Variants in PDZD8 observed in about 807,000 individuals in gnomAD.
PDZD8 encodes the protein PDZ domain-containing protein 8.
Under a neutral mutation model 85.8 loss-of-function variants are expected in PDZD8, and 14 were observed. The observed-to-expected ratio is 0.16, with a 90% CI of 0.11 to 0.26. The LOEUF (loss-of-function observed/expected upper bound fraction) is 0.26. Among genes scored for constraint, PDZD8 ranks in the 10% least tolerant of loss-of-function variants. The pLI, the probability that PDZD8 is intolerant of heterozygous loss-of-function variation, is 1.00. For synonymous variants in PDZD8, 592 were observed against 568.6 expected, an observed-to-expected ratio of 1.04 and a Z score of -0.59; for missense variants, 1,197 against 1,424.3, an observed-to-expected ratio of 0.84 and a Z score of 2.57.
At chr10:117,326,184 G>A (rs1055664749) in intron 2 of PDZD8, among the ~76,000 whole-genome samples, 28 of 152,080 alleles carry the variant, frequency 1.8e-4, no homozygotes, top group Admixed American at 1.8e-3. Flanking sequence ...GCATGAGAAC[G>A]GACTAATACA....
Position 117,290,305 on chromosome 10 carries a change from A to T in PDZD8, c.1142T>A (p.Leu381His), listed in dbSNP as rs1589996148. The change falls in exon 4 of 5, where the codon CTT (leucine) becomes CAT (histidine). Residue 381 changes from leucine to histidine, a missense_variant. Coordinates refer to ENST00000334464, the MANE Select transcript of PDZD8 (RefSeq NM_173791.5). ...CCCATCAGTTGACTGGACAAGACGA[A>T]GTGTAAGTCCAACACTTTGTAAATT... is the stretch of plus-strand genomic sequence containing the variant. ...KGNLQSVGLT[L>H]RLVQSTDGYA... The T allele has an allele frequency of 1.2e-6, 2 of 1,612,434 alleles. No individual in the cohort carries two copies. The highest frequency in any genetic ancestry group is 1.7e-6 in the Non-Finnish European group (2 of 1,179,234).
intron 1 of PDZD8, among the ~76,000 whole-genome samples, chr10:117,352,619 G>A (rs573142938): frequency 1.1e-4 from 16 of 152,286 alleles, no homozygotes; most frequent in Admixed American, 4.6e-4. Context: ...AAAAAGGGAG[G>A]AGGGGAATAA....
At chr10:117,318,271 A>T (rs1283660043) in intron 3 of PDZD8, among the ~76,000 whole-genome samples, 2 of 152,186 alleles carry the variant, frequency 1.3e-5, no homozygotes, top group Non-Finnish European at 2.9e-5. Flanking sequence ...ATCATAACTT[A>T]TAATTCCTCT....
At chr10:117,295,266 A>G (rs1293834531) in intron 3 of PDZD8, among the ~76,000 whole-genome samples, 2 of 152,200 alleles carry the variant, frequency 1.3e-5, no homozygotes, top group African/African-American at 4.8e-5. Context: ...TCTCTTTGCA[A>G]TGTAACTTTA....
chr10:117,298,916 C>T (rs1034979583), intron 3 of PDZD8, among the ~76,000 whole-genome samples: 2 of 151,952 alleles, frequency 1.3e-5, no homozygotes, highest in Non-Finnish European at 2.9e-5. Context: ...CAGGACCCCA[C>T]TCGAGGATAC....
At chr10:117,298,714 C>A (rs1382383889) in intron 3 of PDZD8, among the ~76,000 whole-genome samples, 1 of 152,072 alleles carries the variant, frequency 6.6e-6, no homozygotes, top group Non-Finnish European at 1.5e-5. Context: ...CCTTTTGTAA[C>A]TACAGTGAAG....
At chr10:117,319,143 T>G (rs1467558483) in intron 2 of PDZD8, among the ~76,000 whole-genome samples, 169 bp from the exon 3 acceptor site, 1 of 151,986 alleles carries the variant, frequency 6.6e-6, no homozygotes, top group Non-Finnish European at 1.5e-5. Context: ...AGTGGAAACA[T>G]GAAGTAAAGC....
intron 1 of PDZD8, among the ~76,000 whole-genome samples, chr10:117,360,036 T>C (rs958310631): frequency 1.9e-4 from 29 of 152,160 alleles, no homozygotes; most frequent in Non-Finnish European, 1.5e-5. Flanking sequence ...CTACCTAATA[T>C]AAAATGCTCA....
chr10:117,315,974 C>T (rs1844122139), intron 3 of PDZD8, among the ~76,000 whole-genome samples: 1 of 152,148 alleles, frequency 6.6e-6, no homozygotes, highest in East Asian at 1.9e-4. Context: ...AACCGGAATA[C>T]TGCAATGGAC....
At chr10:117,303,192 G>A (rs1038535631) in intron 3 of PDZD8, among the ~76,000 whole-genome samples, 3 of 152,196 alleles carry the variant, frequency 2.0e-5, no homozygotes, top group African/African-American at 7.2e-5. Flanking sequence ...CAGCGACATG[G>A]ACAATAAGGT....
rs1025333831 is a variant in PDZD8, at chr10:117,279,593, C to T, written c.*3675G>A. The T allele has an allele frequency of 6.6e-6, 1 of 152,100 alleles. No homozygotes were observed. Among genetic ancestry groups the T allele is most frequent in the Non-Finnish European group, 1.5e-5 (1 of 68,016 alleles). 9.4% of individuals were successfully genotyped at this position (152,100 alleles called of 1,614,324 possible). A position where few individuals can be genotyped will look rare whatever the true frequency, so the allele number is the denominator to read the frequency against. On this transcript the variant is annotated 3_prime_UTR_variant, in exon 5 of 5. Coordinates refer to ENST00000334464, the MANE Select transcript of PDZD8 (RefSeq NM_173791.5). ...AGCTTGACCATACTTTTTTGGCTTT[C>T]CACAATTTATTTTAAATTGAGATAT...
In PDZD8 at chr10:117,284,959, G is replaced by A. The variant is rs1344503143; in HGVS notation, c.1774C>T (p.Pro592Ser). The change falls in exon 5 of 5, where the codon CCA (proline) becomes TCA (serine). Residue 592 changes from proline to serine, a missense_variant. Transcript: ENST00000334464. ...GGAACTTTCGCTTGTGGTCGTGGTG[G>A]CACAGGTGGTTTGAAAGCAGATCCT... Reference protein sequence around the residue: ...TQGSAFKPPVPPRPQAKVPLP... With the variant: ...TQGSAFKPPVSPRPQAKVPLP... 6.2e-7 allele frequency: 1 copy of A among 1,614,132 alleles called. No homozygotes were observed. Among genetic ancestry groups the A allele is most frequent in the Non-Finnish European group, 8.5e-7 (1 of 1,180,004 alleles).
chr10:117,365,162 A>G (rs977600080), intron 1 of PDZD8, among the ~76,000 whole-genome samples: 2 of 151,752 alleles, frequency 1.3e-5, no homozygotes, highest in Non-Finnish European at 2.9e-5. Flanking sequence ...AAAATCTACC[A>G]TCTACACAGA....
At chr10:117,317,482 TATGAC>T (rs1345302302) in intron 3 of PDZD8, among the ~76,000 whole-genome samples, 3 of 152,176 alleles carry the variant, frequency 2.0e-5, no homozygotes, top group Non-Finnish European at 4.4e-5. Flanking sequence ...CAACACTACT[TATGAC>T]ATATACTAAG....
intron 4 of PDZD8, 68 bp from the exon 5 acceptor site, chr10:117,285,539 G>A (rs1211962110): frequency 1.3e-5 from 17 of 1,336,110 alleles, no homozygotes; most frequent in Non-Finnish European, 1.7e-5. Context: ...TTTGTTAAAT[G>A]TATTTAATTA....
rs1844537197 is a variant in PDZD8, at chr10:117,278,774, C to T, written c.*4494G>A. On this transcript the variant is annotated 3_prime_UTR_variant, in exon 5 of 5. Transcript: ENST00000334464. ...CTTTTCTGTGGGGCTTCGATTATTTCAAGTCTGGTTTCTAAGTGCAGTGTG... is the reference window on the plus strand; with the variant it reads ...CTTTTCTGTGGGGCTTCGATTATTTTAAGTCTGGTTTCTAAGTGCAGTGTG... 1 of 152,178 alleles carries T rather than the reference C, an allele frequency of 6.6e-6. No homozygotes were observed. The highest frequency in any genetic ancestry group is 2.4e-5 in the African/African-American group (1 of 41,452). 9.4% of individuals were successfully genotyped at this position (152,178 alleles called of 1,614,324 possible).
At chr10:117,365,690 A>C (rs1845076081) in intron 1 of PDZD8, among the ~76,000 whole-genome samples, 2 of 152,196 alleles carry the variant, frequency 1.3e-5, no homozygotes, top group African/African-American at 4.8e-5. Context: ...GTTTTATGCC[A>C]GTCTTAGCAA....
At chr10:117,310,326 A>T (rs530449917) in intron 3 of PDZD8, among the ~76,000 whole-genome samples, 1 of 152,280 alleles carries the variant, frequency 6.6e-6, no homozygotes, top group East Asian at 1.9e-4. Context: ...ACTGATACTC[A>T]CAGTACTGTT....
At chr10:117,354,489 A>G (rs1228229945) in intron 1 of PDZD8, among the ~76,000 whole-genome samples, 1 of 152,180 alleles carries the variant, frequency 6.6e-6, no homozygotes, top group Non-Finnish European at 1.5e-5. Context: ...CCTACCCACA[A>G]TATGCTCCTA....
Sources: allele counts gnomAD v4.1 joint callset (sites outside exome capture counted in the v4.1 genomes callset), GRCh38; gene constraint gnomAD v4.1.1; transcripts MANE v1.5; gene names NCBI Gene and HGNC (gene_info 2026-07-23, HGNC 2026-07-21).